ACTR3C: variants seen among roughly 807,000 people sequenced by gnomAD.
ACTR3C encodes actin-related protein 3C.
Under a neutral mutation model 26.3 loss-of-function variants are expected in ACTR3C, and 18 were observed. That is an observed-to-expected ratio of 0.68 (90% CI 0.47 to 1.01). The LOEUF (loss-of-function observed/expected upper bound fraction) is 1.01. ACTR3C is among the 50% of genes least tolerant of loss of function. The pLI, the probability that ACTR3C is intolerant of heterozygous loss-of-function variation, is 0.00. For missense variants in ACTR3C, 184 were observed against 250.7 expected, an observed-to-expected ratio of 0.73 and a Z score of 1.80; for synonymous variants, 55 against 94.5, an observed-to-expected ratio of 0.58 and a Z score of 2.42.
the ACTR3C span, among the ~76,000 whole-genome samples, chr7:150,099,388 C>T: frequency 1.3e-5 from 2 of 151,852 alleles, no homozygotes; most frequent in Non-Finnish European, 2.9e-5. Context: ...CATTTTCACA[C>T]CACCATTCAA....
chr7:150,288,216 C>T (rs1176854373), intron 4 of ACTR3C, among the ~76,000 whole-genome samples: 1 of 145,272 alleles, frequency 6.9e-6, no homozygotes, highest in Non-Finnish European at 1.5e-5. Context: ...ATAGTCACAT[C>T]GAGCACATCA....
At chr7:150,166,268 G>A in the ACTR3C span, among the ~76,000 whole-genome samples, 5 of 151,004 alleles carry the variant, frequency 3.3e-5, 1 homozygote, top group African/African-American at 1.2e-4. Context: ...TACATGTGAT[G>A]TTTTGATACT....
the ACTR3C span, among the ~76,000 whole-genome samples, chr7:150,068,676 G>T: frequency 6.7e-6 from 1 of 150,296 alleles, no homozygotes; most frequent in Non-Finnish European, 1.5e-5. Context: ...CCAGCTACTC[G>T]GGAGGCTGAG....
intron 1 of ACTR3C, among the ~76,000 whole-genome samples, chr7:150,312,245 G>C (rs1171061120): frequency 2.0e-5 from 3 of 152,256 alleles, no homozygotes; most frequent in Middle Eastern, 3.4e-3. Context: ...TTCCAACTCA[G>C]GGCAAGAGGT....
At chr7:150,041,643 C>G in the ACTR3C span, among the ~76,000 whole-genome samples, 7 of 110,508 alleles carry the variant, frequency 6.3e-5, no homozygotes, top group East Asian at 3.5e-4. Flanking sequence ...TGCCTCCCCC[C>G]CCCTGCGATG....
the ACTR3C span, among the ~76,000 whole-genome samples, chr7:149,903,101 T>G: frequency 8.5e-6 from 1 of 117,052 alleles, no homozygotes; most frequent in Non-Finnish European, 2.0e-5. Context: ...ACTGTTTTAA[T>G]CTGAAAAAGC....
chr7:149,994,813 T>C, the ACTR3C span, among the ~76,000 whole-genome samples: 3 of 150,514 alleles, frequency 2.0e-5, no homozygotes, highest in Non-Finnish European at 4.4e-5. Flanking sequence ...AAGAAGTGAG[T>C]AAGACAGTAG....
At chr7:150,240,289 C>T (rs116654172), downstream of ACTR3C, among the ~76,000 whole-genome samples, 148 of 152,212 alleles carry the variant, frequency 9.7e-4, no homozygotes, top group African/African-American at 3.4e-3. Context: ...ATCTTGTTCC[C>T]GAGCTTTTTA....
Position 150,252,526 on chromosome 7 carries a change from T to A in ACTR3C, c.565-3472A>T, listed in dbSNP as rs185166248. The stretch of plus-strand genomic sequence containing the variant: ...GGCTGTTTATTTCAGGAAGAATACA[T>A]GATACTAAGCATACCAGAGACATTA... On this transcript the variant is annotated intron_variant, in intron 6 of 7. Coordinates refer to ENST00000683684, the MANE Select transcript of ACTR3C (RefSeq NM_001164458.2). 7.9e-4 allele frequency among the ~76,000 whole-genome samples: 121 copies of A among 152,262 alleles called. 1 individual carries two copies. Among genetic ancestry groups the A allele is most frequent in the African/African-American group, 2.6e-3 (110 of 41,550 alleles).
chr7:150,303,675 A>G (rs1431122444), intron 1 of ACTR3C, among the ~76,000 whole-genome samples: 8 of 152,126 alleles, frequency 5.3e-5, no homozygotes, highest in Non-Finnish European at 1.2e-4. Flanking sequence ...ATCTCTATCC[A>G]CCACTATTGA....
downstream of ACTR3C, among the ~76,000 whole-genome samples, chr7:150,242,753 C>T (rs1832258451): frequency 3.3e-5 from 5 of 151,974 alleles, no homozygotes; most frequent in African/African-American, 1.2e-4. Flanking sequence ...GAGTGATTTC[C>T]TTTTGTGGAG....
At chr7:150,259,104 T>C (rs1833442148) in intron 6 of ACTR3C, among the ~76,000 whole-genome samples, 1 of 151,920 alleles carries the variant, frequency 6.6e-6, no homozygotes, top group African/African-American at 2.4e-5. Flanking sequence ...TTGTGGTCTC[T>C]CCAGCCTTCC....
At chr7:149,881,998 A>AC in the ACTR3C span, 1 of 152,362 alleles carries the variant, frequency 6.6e-6, no homozygotes, top group Non-Finnish European at 1.5e-5. Context: ...CAGGATGGGG[A>AC]CCCCGTGGAC....
the ACTR3C span, among the ~76,000 whole-genome samples, chr7:150,134,413 G>A: frequency 2.0e-5 from 3 of 152,240 alleles, no homozygotes; most frequent in Admixed American, 6.5e-5. Context: ...GACAGCTGGT[G>A]CCTCCCCTGC....
At chr7:149,971,260 A>T in the ACTR3C span, among the ~76,000 whole-genome samples, 3 of 152,192 alleles carry the variant, frequency 2.0e-5, no homozygotes, top group South Asian at 6.2e-4. Context: ...CCGAATGTGC[A>T]CCAGCAGAAG....
chr7:150,010,714 A>G, the ACTR3C span, among the ~76,000 whole-genome samples: 1 of 140,822 alleles, frequency 7.1e-6, no homozygotes, highest in Non-Finnish European at 1.6e-5. Flanking sequence ...AAAAAAAAAT[A>G]AGCTCTGTGG....
chr7:150,045,387 CTG>C, the ACTR3C span, among the ~76,000 whole-genome samples: 1 of 152,188 alleles, frequency 6.6e-6, no homozygotes, highest in South Asian at 2.1e-4. Flanking sequence ...AACATTCAGC[CTG>C]TGTCATGAGT....
chr7:149,994,326 G>A, the ACTR3C span, among the ~76,000 whole-genome samples: 22 of 152,264 alleles, frequency 1.4e-4, no homozygotes, highest in African/African-American at 5.3e-4. Flanking sequence ...GGCCGGGCAC[G>A]GTGGCTCATG....
Position 150,284,752 on chromosome 7 carries a change from C to T in ACTR3C, c.564+1G>A. The T allele has an allele frequency of 8.1e-6, 13 of 1,609,518 alleles. No homozygotes were observed. The highest frequency in any genetic ancestry group is 1.1e-5 in the Non-Finnish European group (13 of 1,178,406). On this transcript the variant is annotated splice_donor_variant, in intron 6 of 7. Coordinates refer to ENST00000683684, the MANE Select transcript of ACTR3C (RefSeq NM_001164458.2). LOFTEE classifies it high-confidence loss of function. ...AAGTACCTTACCCATGCAGCTCATA[C>T]CTTATACAGCGGACGCCGCACATCG...
Sources: gnomAD v4.1 joint callset for allele counts (sites outside exome capture counted in the v4.1 genomes callset) on GRCh38, gnomAD v4.1.1 for gene constraint, MANE v1.5 for transcripts, NCBI Gene and HGNC (gene_info 2026-07-23, HGNC 2026-07-21) for gene names.